Variants in KHDRBS3 observed in about 807,000 individuals in gnomAD.
KHDRBS3 encodes the protein KH RNA binding domain containing, signal transduction associated 3.
Under a neutral mutation model 45.6 loss-of-function variants are expected in KHDRBS3, and 23 were observed. The ratio of observed to expected loss-of-function variants is 0.50; its 90% CI spans 0.36 to 0.72. The LOEUF is 0.72. Ranked by LOEUF, KHDRBS3 falls within the 30% of genes least tolerant of loss-of-function variation. The pLI is 0.00. For synonymous variants in KHDRBS3, 162 were observed against 156.5 expected, an observed-to-expected ratio of 1.04 and a Z score of -0.26; for missense variants, 352 against 424.8, an observed-to-expected ratio of 0.83 and a Z score of 1.51.
At chr8:135,546,832 C>T (rs1226041005) in intron 3 of KHDRBS3, among the ~76,000 whole-genome samples, 1 of 152,090 alleles carries the variant, frequency 6.6e-6, no homozygotes, top group African/African-American at 2.4e-5. Flanking sequence ...AACACATTGC[C>T]TGTCATCATT....
intron 7 of KHDRBS3, among the ~76,000 whole-genome samples, chr8:135,626,222 A>T (rs1187868371): frequency 3.3e-5 from 5 of 152,236 alleles, no homozygotes; most frequent in Non-Finnish European, 7.3e-5. Flanking sequence ...ACTTTTACAG[A>T]TGAGAAATTA....
intron 6 of KHDRBS3, among the ~76,000 whole-genome samples, chr8:135,590,402 C>G (rs1828692874): frequency 1.3e-5 from 2 of 152,230 alleles, no homozygotes; most frequent in Admixed American, 1.3e-4. Flanking sequence ...GACTATTTAA[C>G]CTTTCTGGGC....
chr8:135,514,431 G>GCTAA (rs1381624205), intron 1 of KHDRBS3, among the ~76,000 whole-genome samples: 2 of 152,164 alleles, frequency 1.3e-5, no homozygotes, highest in African/African-American at 4.8e-5. Flanking sequence ...TGAGCCTTGA[G>GCTAA]GGCATTATGC....
Position 135,630,891 on chromosome 8 carries a change from C to T in KHDRBS3, c.891-14168C>T, listed in dbSNP as rs139571166. 9.4e-4 allele frequency among the ~76,000 whole-genome samples: 143 copies of T among 152,246 alleles called. 3 individuals carry two copies. In the South Asian group the frequency reaches 0.017, roughly 19 times the overall value. On this transcript the variant is annotated intron_variant, in intron 7 of 8. Coordinates refer to ENST00000355849, the MANE Select transcript of KHDRBS3 (RefSeq NM_006558.3). Reference sequence around the variant, plus strand: ...GGTGAGTGACTATGAAGGCCTGGGACGTTACTATGCACTATTGTAGACTTC... The same window carrying T: ...GGTGAGTGACTATGAAGGCCTGGGATGTTACTATGCACTATTGTAGACTTC...
chr8:135,472,044 C>T (rs746797539), intron 1 of KHDRBS3, among the ~76,000 whole-genome samples: 13 of 152,222 alleles, frequency 8.5e-5, no homozygotes, highest in Non-Finnish European at 1.3e-4. Flanking sequence ...TTGGTCTCAG[C>T]TTCCTCATTG....
chr8:135,606,844 G>A lies in KHDRBS3; in HGVS notation c.808-111G>A, dbSNP rs116909736. ...TATATTTTTCTTTACACTATAAGTA[G>A]ACATATAATTAAATGCTAGCTGAAT... On this transcript the variant is annotated intron_variant, in intron 6 of 8. Transcript: ENST00000355849. The A allele has an allele frequency of 4.0e-4, 298 of 738,592 alleles. 4 individuals carry two copies. In the East Asian group the frequency reaches 7.7e-3, roughly 19 times the overall value. 45.8% of individuals were successfully genotyped at this position (738,592 alleles called of 1,614,324 possible).
intron 7 of KHDRBS3, among the ~76,000 whole-genome samples, chr8:135,630,457 C>G (rs567071130): frequency 1.0e-5 from 1 of 98,632 alleles, no homozygotes; most frequent in South Asian, 4.0e-4. Context: ...GGGGTAATAT[C>G]TACCCACAAT....
intron 1 of KHDRBS3, among the ~76,000 whole-genome samples, chr8:135,510,283 G>T (rs1362407995): frequency 1.3e-5 from 2 of 152,168 alleles, no homozygotes; most frequent in African/African-American, 2.4e-5. Flanking sequence ...AAATTGTAAT[G>T]CCTTTATTTG....
intron 1 of KHDRBS3, among the ~76,000 whole-genome samples, chr8:135,477,896 A>G (rs896762885): frequency 6.6e-6 from 1 of 152,184 alleles, no homozygotes; most frequent in Non-Finnish European, 1.5e-5. Context: ...TGTCCTCAGT[A>G]TCTGTCCATG....
At chr8:135,598,153 T>A (rs1490420909) in intron 6 of KHDRBS3, among the ~76,000 whole-genome samples, 1 of 152,190 alleles carries the variant, frequency 6.6e-6, no homozygotes, top group East Asian at 1.9e-4. Flanking sequence ...AGACATCACA[T>A]TTTAGAGAAA....
chr8:135,610,042 A>T (rs972584204), intron 7 of KHDRBS3, among the ~76,000 whole-genome samples: 1 of 151,906 alleles, frequency 6.6e-6, no homozygotes, highest in Non-Finnish European at 1.5e-5. Context: ...AACTTTTTTT[A>T]TGAAGTATAT....
intron 7 of KHDRBS3, among the ~76,000 whole-genome samples, chr8:135,642,160 G>A (rs1446070527): frequency 6.6e-6 from 1 of 152,232 alleles, no homozygotes; most frequent in Non-Finnish European, 1.5e-5. Flanking sequence ...AGAAGTTCTG[G>A]AAGAGCAAAG....
chr8:135,535,609 A>G lies in KHDRBS3; in HGVS notation c.208-7045A>G, dbSNP rs554479631. Reference sequence around the variant, plus strand: ...GTGTTGGGTCAAGAAGTTTAACTCAATTGCAAAATGCTGTATAAGAAATTT... The same window carrying G: ...GTGTTGGGTCAAGAAGTTTAACTCAGTTGCAAAATGCTGTATAAGAAATTT... On this transcript the variant is annotated intron_variant, in intron 2 of 8. Transcript: ENST00000355849. 1.1e-4 allele frequency among the ~76,000 whole-genome samples: 16 copies of G among 152,086 alleles called. No homozygotes were observed. In the South Asian group the frequency reaches 3.1e-3, roughly 30 times the overall value.
chr8:135,519,664 T>C (rs943181417), intron 1 of KHDRBS3, among the ~76,000 whole-genome samples: 8 of 152,240 alleles, frequency 5.3e-5, no homozygotes. Flanking sequence ...CTAACTGATA[T>C]ACTGTTTTCT....
chr8:135,504,818 A>G (rs569438374), intron 1 of KHDRBS3, among the ~76,000 whole-genome samples: 2 of 152,304 alleles, frequency 1.3e-5, no homozygotes, highest in South Asian at 2.1e-4. Context: ...TTGTGGCTTC[A>G]TTGTAGAGAG....
intron 4 of KHDRBS3, among the ~76,000 whole-genome samples, chr8:135,655,102 A>G (rs1380635552): frequency 6.6e-6 from 1 of 152,230 alleles, no homozygotes; most frequent in Non-Finnish European, 1.5e-5. Flanking sequence ...ATTCAGCACA[A>G]GCCATTCAAG....
intron 5 of KHDRBS3, among the ~76,000 whole-genome samples, chr8:135,573,226 A>G (rs1586741444): frequency 6.6e-6 from 1 of 152,226 alleles, no homozygotes; most frequent in Admixed American, 6.5e-5. Context: ...CAGTCAGGGC[A>G]TCTACCACTG....
Position 135,470,325 on chromosome 8 carries a change from G to A in KHDRBS3, c.88+12371G>A, listed in dbSNP as rs560528879. The stretch of plus-strand genomic sequence containing the variant: ...TTTACTGGTTTTTTTTTGTTTTAAC[G>A]TGAGAAGTACTAAAGTGTCTCTTTC... On this transcript the variant is annotated intron_variant, in intron 1 of 8. Transcript: ENST00000355849. 8.6e-5 allele frequency among the ~76,000 whole-genome samples: 13 copies of A among 151,954 alleles called. No homozygotes were observed. The South Asian group carries it at 2.5e-3, about 29-fold the overall frequency.
At chr8:135,620,665 T>C (rs910719439) in intron 7 of KHDRBS3, among the ~76,000 whole-genome samples, 18 of 152,348 alleles carry the variant, frequency 1.2e-4, no homozygotes, top group African/African-American at 3.6e-4. Flanking sequence ...AATTTGCCTT[T>C]CTTTGTATTT....
Sources: gnomAD v4.1 joint callset for allele counts (sites outside exome capture counted in the v4.1 genomes callset) on GRCh38, gnomAD v4.1.1 for gene constraint, MANE v1.5 for transcripts, NCBI Gene and HGNC (gene_info 2026-07-23, HGNC 2026-07-21) for gene names.